INTU: variants seen among roughly 807,000 people sequenced by gnomAD.
INTU encodes the protein protein inturned.
INTU carries 68 observed loss-of-function variants against 100.5 expected under a neutral mutation model. The ratio of observed to expected loss-of-function variants is 0.68; its 90% CI spans 0.56 to 0.83. The LOEUF (loss-of-function observed/expected upper bound fraction) is 0.83, where lower values mean the gene tolerates loss of function less well. Among genes scored for constraint, INTU ranks in the 40% least tolerant of loss-of-function variants. The probability of loss-of-function intolerance (pLI) is 0.00; values close to 1 mark genes in which losing one functional copy is unlikely to be tolerated. For synonymous variants in INTU, 357 were observed against 395.7 expected (o/e 0.90, Z 1.16); for missense variants, 1,071 against 1,114.7 (o/e 0.96, Z 0.56).
At chr4:127,635,860 A>G (rs1727045618) in intron 1 of INTU, among the ~76,000 whole-genome samples, 1 of 152,120 alleles carries the variant, frequency 6.6e-6, no homozygotes, top group African/African-American at 2.4e-5. Context: ...AGGAGTTTGT[A>G]GTTTCTAAAG....
intron 9 of INTU, among the ~76,000 whole-genome samples, chr4:127,700,315 G>A (rs1342546965): frequency 6.6e-6 from 1 of 152,012 alleles, no homozygotes; most frequent in East Asian, 1.9e-4. Flanking sequence ...AAGCTTTTGA[G>A]GAAAATAAAT....
chr4:127,680,106 T>C (rs1487880202), intron 6 of INTU, among the ~76,000 whole-genome samples: 1 of 152,148 alleles, frequency 6.6e-6, no homozygotes, highest in Non-Finnish European at 1.5e-5. Flanking sequence ...ATGGTGGCAA[T>C]AATCAATAGC....
intron 2 of INTU, among the ~76,000 whole-genome samples, chr4:127,649,469 T>C (rs1727734887): frequency 1.3e-5 from 2 of 152,198 alleles, no homozygotes; most frequent in Middle Eastern, 3.4e-3. Context: ...ACAGGTTGAG[T>C]ACTCCTTCTT....
At chr4:127,657,466 C>G (rs1440209526) in intron 3 of INTU, among the ~76,000 whole-genome samples, 3 of 152,022 alleles carry the variant, frequency 2.0e-5, no homozygotes, top group African/African-American at 4.8e-5. Context: ...TCCCCAAACC[C>G]TGGGCCACGG....
chr4:127,715,346 C>T (rs564105642), intron 15 of INTU, among the ~76,000 whole-genome samples: 1 of 152,032 alleles, frequency 6.6e-6, no homozygotes, highest in Admixed American at 6.6e-5. Flanking sequence ...GGACACATAC[C>T]ATGTAGTATT....
chr4:127,677,753 A>G (rs1188888944), intron 6 of INTU, among the ~76,000 whole-genome samples: 1 of 152,236 alleles, frequency 6.6e-6, no homozygotes, highest in East Asian at 1.9e-4. Flanking sequence ...TGGACGGAGA[A>G]TGACTTTGAC....
chr4:127,696,912 C>T (rs1034092349), intron 8 of INTU, among the ~76,000 whole-genome samples: 3 of 152,088 alleles, frequency 2.0e-5, no homozygotes, highest in African/African-American at 7.2e-5. Context: ...TTAAGACCTT[C>T]ACTTTATACT....
intron 9 of INTU, among the ~76,000 whole-genome samples, chr4:127,701,943 G>T (rs1336805021): frequency 2.6e-5 from 4 of 152,060 alleles, no homozygotes; most frequent in Non-Finnish European, 4.4e-5. Flanking sequence ...AAAAATAATA[G>T]AAATTTAGGG....
At chr4:127,704,357 T>C in intron 10 of INTU, 67 bp downstream of exon 10, 4 of 1,123,810 alleles carry the variant, frequency 3.6e-6, no homozygotes, top group Non-Finnish European at 5.3e-6. Flanking sequence ...TCAAAACTTT[T>C]ACAAACATGA....
intron 10 of INTU, among the ~76,000 whole-genome samples, chr4:127,704,867 C>G (rs867020367): frequency 1.3e-5 from 2 of 151,976 alleles, no homozygotes; most frequent in Admixed American, 1.3e-4. Flanking sequence ...GCAGGCAGAA[C>G]ACCAGAGGTC....
intron 8 of INTU, among the ~76,000 whole-genome samples, chr4:127,697,677 A>G (rs1730454069): frequency 2.0e-5 from 3 of 152,210 alleles, no homozygotes; most frequent in Admixed American, 6.5e-5. Context: ...TCCATTATGT[A>G]TATATGGCAC....
chr4:127,654,198 A>T (rs1728060902), intron 2 of INTU, among the ~76,000 whole-genome samples: 1 of 151,644 alleles, frequency 6.6e-6, no homozygotes, highest in Admixed American at 6.6e-5. Flanking sequence ...TGTGTCTTTT[A>T]ACTGGAGCAT....
At chr4:127,676,509 C>T (rs1267426164) in intron 6 of INTU, among the ~76,000 whole-genome samples, 1 of 150,994 alleles carries the variant, frequency 6.6e-6, no homozygotes, top group Admixed American at 6.6e-5. Flanking sequence ...TTGCTTGGGC[C>T]TTGGAGGCAG....
chr4:127,709,724 C>G (rs918148571), intron 13 of INTU, among the ~76,000 whole-genome samples: 11 of 151,812 alleles, frequency 7.2e-5, no homozygotes, highest in African/African-American at 2.7e-4. Flanking sequence ...CACACACACA[C>G]ACACACACAC....
At chr4:127,696,616 T>G (rs1224348970) in intron 8 of INTU, among the ~76,000 whole-genome samples, 3 of 152,122 alleles carry the variant, frequency 2.0e-5, no homozygotes, top group Non-Finnish European at 4.4e-5. Context: ...ATTGATTTTT[T>G]TCAAGGAAAC....
At chr4:127,670,389 G>A (rs535126047) in intron 5 of INTU, among the ~76,000 whole-genome samples, 143 of 151,832 alleles carry the variant, frequency 9.4e-4, no homozygotes, top group African/African-American at 3.4e-3. Flanking sequence ...AGAATTTTAT[G>A]TTTTAACTAA....
intron 6 of INTU, among the ~76,000 whole-genome samples, chr4:127,682,521 C>T (rs904200946): frequency 1.4e-5 from 2 of 145,210 alleles, no homozygotes; most frequent in African/African-American, 5.2e-5. Context: ...CGCATATTCT[C>T]ACTCATAGGT....
intron 8 of INTU, among the ~76,000 whole-genome samples, chr4:127,694,052 C>A (rs1021969272): frequency 2.6e-5 from 4 of 152,016 alleles, no homozygotes; most frequent in African/African-American, 9.7e-5. Context: ...TATGTCCCTC[C>A]CTGGTTTGGG....
rs56258165 is a variant in INTU at position 127,699,630 on chromosome 4, C to G, written c.1450-380C>G. Among the ~76,000 whole-genome samples, 565 of 152,228 alleles carry G rather than the reference C, an allele frequency of 3.7e-3. 4 individuals are homozygous for G. Among genetic ancestry groups the G allele is most frequent in the African/African-American group, 0.013 (544 of 41,552 alleles). The stretch of plus-strand genomic sequence containing the variant: ...CTTTAAGACTGATTTTCATTTTCTT[C>G]TATGAAATCAAAAGGGTTAAATTAA... On this transcript the variant is annotated intron_variant, in intron 8 of 15. Coordinates refer to ENST00000335251, the MANE Select transcript of INTU (RefSeq NM_015693.4).
Sources: gnomAD v4.1 joint callset for allele counts (sites outside exome capture counted in the v4.1 genomes callset) on GRCh38, gnomAD v4.1.1 for gene constraint, MANE v1.5 for transcripts, NCBI Gene and HGNC (gene_info 2026-07-23, HGNC 2026-07-21) for gene names.